The following SEMA4D variants were observed in gnomAD, a reference collection of about 807,000 sequenced individuals.
SEMA4D encodes the protein semaphorin 4D, also known as semaphorin-4D.
In SEMA4D, 22 loss-of-function variants were observed where a neutral mutation model predicts 74.8. The observed-to-expected ratio is 0.29, with a 90% CI of 0.21 to 0.42. The LOEUF (loss-of-function observed/expected upper bound fraction) is 0.42, where lower values mean the gene tolerates loss of function less well. Among genes scored for constraint, SEMA4D ranks in the 10% least tolerant of loss-of-function variants. SEMA4D has a pLI of 1.00. For synonymous variants in SEMA4D, 445 were observed against 463.7 expected, an observed-to-expected ratio of 0.96 and a Z score of 0.52; for missense variants, 937 against 1,118.4, an observed-to-expected ratio of 0.84 and a Z score of 2.31.
At chr9:89,467,506 G>A (rs1407063556) in intron 1 of SEMA4D, among the ~76,000 whole-genome samples, 1 of 151,154 alleles carries the variant, frequency 6.6e-6, no homozygotes, top group Non-Finnish European at 1.5e-5. Flanking sequence ...AGTGGGGGAG[G>A]GGGAACCACA....
At chr9:89,403,786 A>G (rs906218872) in intron 3 of SEMA4D, among the ~76,000 whole-genome samples, 1 of 152,150 alleles carries the variant, frequency 6.6e-6, no homozygotes, top group South Asian at 2.1e-4. Context: ...CAGGTGGGCC[A>G]GGTGTGGTGG....
At chr9:89,369,261 C>T (rs1834174914) in intron 16 of SEMA4D, 1 of 152,208 alleles carries the variant, frequency 6.6e-6, no homozygotes, top group South Asian at 2.1e-4. Context: ...AGCCCTGGGC[C>T]CCTCAAAGAG....
chr9:89,443,090 C>T (rs540912068), intron 2 of SEMA4D, among the ~76,000 whole-genome samples: 13 of 152,288 alleles, frequency 8.5e-5, no homozygotes, highest in Non-Finnish European at 1.3e-4. Context: ...AGGAGGAAGG[C>T]GGCTCTTCTC....
At chr9:89,434,495 C>A (rs970510257) in intron 2 of SEMA4D, among the ~76,000 whole-genome samples, 1 of 152,146 alleles carries the variant, frequency 6.6e-6, no homozygotes, top group African/African-American at 2.4e-5. Flanking sequence ...CAGTTTAATT[C>A]GCAGGCCCTA....
At chr9:89,385,032 C>T (rs1838117282) in intron 13 of SEMA4D, 29 of 985,260 alleles carry the variant, frequency 2.9e-5, no homozygotes, top group Non-Finnish European at 3.1e-5. Context: ...GACCAGCAAG[C>T]GCTTCCCCAA....
intron 1 of SEMA4D, among the ~76,000 whole-genome samples, chr9:89,473,567 A>G (rs1359282249): frequency 6.6e-6 from 1 of 152,092 alleles, no homozygotes; most frequent in Non-Finnish European, 1.5e-5. Flanking sequence ...CCCTGTCTCA[A>G]AAACAACGGC....
intron 8 of SEMA4D, among the ~76,000 whole-genome samples, chr9:89,391,755 C>A (rs902256175): frequency 2.0e-5 from 3 of 152,230 alleles, no homozygotes; most frequent in African/African-American, 7.2e-5. Context: ...CAGAGACCTA[C>A]GTAAGGCATG....
At chr9:89,363,709 A>T (rs765291866) in intron 17 of SEMA4D, 7 of 1,603,758 alleles carry the variant, frequency 4.4e-6, no homozygotes, top group Non-Finnish European at 8.5e-7. Flanking sequence ...TTACCTCATA[A>T]AAGGGTAACA....
At chr9:89,393,767 G>A in intron 6 of SEMA4D, 112 bp from the exon 7 acceptor site, 1 of 786,282 alleles carries the variant, frequency 1.3e-6, no homozygotes, top group East Asian at 2.6e-5. Context: ...AGACCAACAG[G>A]GCCGAGCAGA....
chr9:89,424,554 T>TC (rs1169900795), intron 2 of SEMA4D, among the ~76,000 whole-genome samples: 1 of 152,178 alleles, frequency 6.6e-6, no homozygotes, highest in African/African-American at 2.4e-5. Context: ...CTCTTTTTTT[T>TC]CAGAACCTTG....
intron 5 of SEMA4D, among the ~76,000 whole-genome samples, chr9:89,397,465 G>A (rs113180196): frequency 1.3e-5 from 2 of 152,320 alleles, no homozygotes; most frequent in Admixed American, 6.5e-5. Flanking sequence ...GGCTGCACTA[G>A]GAGAGCCTGG....
chr9:89,418,217 G>T (rs1386164683), intron 2 of SEMA4D: 2 of 736,730 alleles, frequency 2.7e-6, no homozygotes, highest in East Asian at 1.3e-4. Flanking sequence ...ACAAATTATT[G>T]TGAGTTTAAA....
chr9:89,431,153 G>A (rs1274210813), intron 2 of SEMA4D, among the ~76,000 whole-genome samples: 1 of 152,224 alleles, frequency 6.6e-6, no homozygotes, highest in Non-Finnish European at 1.5e-5. Context: ...TTAAGTGCAA[G>A]CTTACTCATG....
At chr9:89,427,663 G>C (rs757137132) in intron 2 of SEMA4D, among the ~76,000 whole-genome samples, 1 of 152,182 alleles carries the variant, frequency 6.6e-6, no homozygotes, top group Non-Finnish European at 1.5e-5. Context: ...GCATTTAGTG[G>C]GGCTGACTTC....
chr9:89,385,806 G>T, intron 13 of SEMA4D: 1 of 701,762 alleles, frequency 1.4e-6, no homozygotes, highest in Non-Finnish European at 1.7e-6. Flanking sequence ...CCACAAGGTG[G>T]TTGGAGGTCC....
At chr9:89,426,184 C>T (rs947926072) in intron 2 of SEMA4D, among the ~76,000 whole-genome samples, 8 of 152,330 alleles carry the variant, frequency 5.3e-5, no homozygotes, top group Admixed American at 2.0e-4. Flanking sequence ...GCTGCAAAGG[C>T]GCCAGAGGCC....
At chr9:89,445,081 C>T (rs1852512941) in intron 2 of SEMA4D, among the ~76,000 whole-genome samples, 1 of 152,104 alleles carries the variant, frequency 6.6e-6, no homozygotes, top group Non-Finnish European at 1.5e-5. Context: ...GTCACTCTGC[C>T]CTTGAAGACT....
chr9:89,435,995 C>A (rs574522633), intron 2 of SEMA4D, among the ~76,000 whole-genome samples: 9 of 152,170 alleles, frequency 5.9e-5, no homozygotes, highest in Non-Finnish European at 8.8e-5. Context: ...CGCTGCCCCC[C>A]ACCCCCAAAT....
At chr9:89,368,057 A>C (rs1432323219) in intron 16 of SEMA4D, 1 of 152,294 alleles carries the variant, frequency 6.6e-6, no homozygotes, top group Non-Finnish European at 1.5e-5. Context: ...GGGTGGTGAG[A>C]CATCCACCCA....
Sources: allele counts gnomAD v4.1 joint callset (sites outside exome capture counted in the v4.1 genomes callset), GRCh38; gene constraint gnomAD v4.1.1; transcripts MANE v1.5; gene names NCBI Gene and HGNC (gene_info 2026-07-23, HGNC 2026-07-21).